Variants in SUB1 observed in about 807,000 individuals in gnomAD.
SUB1 encodes the protein activated RNA polymerase II transcriptional coactivator p15.
SUB1 carries 1 observed loss-of-function variant against 16.9 expected under a neutral mutation model. The observed-to-expected ratio is 0.06, with a 90% CI of 0.02 to 0.28. SUB1 has a LOEUF of 0.28. Ranked by LOEUF, SUB1 falls within the 10% of genes least tolerant of loss-of-function variation. The probability of loss-of-function intolerance (pLI) is 1.00; values close to 1 mark genes in which losing one functional copy is unlikely to be tolerated. For synonymous variants in SUB1, 51 were observed against 46.9 expected, an observed-to-expected ratio of 1.09 and a Z score of -0.36; for missense variants, 84 against 145.2, an observed-to-expected ratio of 0.58 and a Z score of 2.16.
Position 32,603,553 on chromosome 5 carries a change from A to C in SUB1, c.*2469A>C, listed in dbSNP as rs1397981882. 6.6e-6 allele frequency: 1 copy of C among 152,176 alleles called. No homozygotes were observed. Among genetic ancestry groups the C allele is most frequent in the African/African-American group, 2.4e-5 (1 of 41,458 alleles). 9.4% of individuals were successfully genotyped at this position (152,176 alleles called of 1,614,324 possible). Reference sequence around the variant, plus strand: ...TTAAAGAACAACCACTACAAAAGAAAATCTTTGTAATTTGATTGTCTTTTG... The same window carrying C: ...TTAAAGAACAACCACTACAAAAGAACATCTTTGTAATTTGATTGTCTTTTG... On this transcript the variant is annotated 3_prime_UTR_variant, in exon 5 of 5. Transcript: ENST00000265073.
Position 32,592,643 on chromosome 5 carries a change from A to G in SUB1, c.195+958A>G, listed in dbSNP as rs889157305. On this transcript the variant is annotated intron_variant, in intron 3 of 4. Coordinates refer to ENST00000265073, the MANE Select transcript of SUB1 (RefSeq NM_006713.4). ...AGAAATTATGCCAATTACAAGATAC[A>G]GGTTAGGAAGAATGGACCAGAGGAA... Among the ~76,000 whole-genome samples the G allele has an allele frequency of 4.6e-5, 7 of 152,322 alleles. No individual in the cohort carries two copies. In the South Asian group the frequency reaches 1.5e-3, roughly 32 times the overall value.
At chr5:32,596,895 T>A (rs536697484) in intron 3 of SUB1, 1 of 152,226 alleles carries the variant, frequency 6.6e-6, no homozygotes, top group Non-Finnish European at 1.5e-5. Context: ...TAAGCAGATA[T>A]ATAAGATTTT....
intron 4 of SUB1, among the ~76,000 whole-genome samples, chr5:32,599,701 T>G (rs1226959327): frequency 1.4e-5 from 2 of 138,692 alleles, no homozygotes; most frequent in Non-Finnish European, 3.2e-5. Flanking sequence ...CTTCATGCAG[T>G]TTTTTTTTTT....
intron 3 of SUB1, chr5:32,594,669 A>G (rs1293727037): frequency 2.3e-6 from 1 of 443,392 alleles, no homozygotes; most frequent in African/African-American, 2.0e-5. Flanking sequence ...CTGTCAGATC[A>G]GCAGCGGCAT....
chr5:32,587,575 C>G (rs569979461), intron 1 of SUB1, among the ~76,000 whole-genome samples: 1 of 151,700 alleles, frequency 6.6e-6, no homozygotes, highest in East Asian at 1.9e-4. Flanking sequence ...GTAGAAAAAT[C>G]TGTGTAAAAT....
chr5:32,592,374 T>C (rs1308149102), intron 3 of SUB1, among the ~76,000 whole-genome samples: 1 of 152,026 alleles, frequency 6.6e-6, no homozygotes, highest in Non-Finnish European at 1.5e-5. Context: ...ATGGGTTGAA[T>C]AGATAAAGTG....
chr5:32,593,086 C>G (rs993433059), intron 3 of SUB1, among the ~76,000 whole-genome samples: 1 of 151,960 alleles, frequency 6.6e-6, no homozygotes, highest in Non-Finnish European at 1.5e-5. Context: ...GATCTCTGCT[C>G]ACTGCAACTT....
intron 1 of SUB1, 84 bp downstream of exon 1, chr5:32,585,709 C>T (rs1205841256): frequency 2.6e-5 from 4 of 152,550 alleles, no homozygotes; most frequent in Admixed American, 6.5e-5. Context: ...GCCCTCCACT[C>T]CTCTCGCCGG....
rs1739138217 is a variant in SUB1 at position 32,602,429 on chromosome 5, T to C, written c.*1345T>C. 1.7e-5 allele frequency: 4 copies of C among 231,604 alleles called. No homozygotes were observed. The South Asian group carries it at 1.8e-4, about 11-fold the overall frequency. 14.3% of individuals were successfully genotyped at this position (231,604 alleles called of 1,614,324 possible). Reference sequence around the variant, plus strand: ...GAAAAAGGAAAGTTTTAAAGACATATAAAAGATTCTTGTTGACAAATTATT... The same window carrying C: ...GAAAAAGGAAAGTTTTAAAGACATACAAAAGATTCTTGTTGACAAATTATT... On this transcript the variant is annotated 3_prime_UTR_variant, in exon 5 of 5. Transcript: ENST00000265073.
At chr5:32,599,151 A>C in intron 4 of SUB1, 82 bp downstream of exon 4, 1 of 969,554 alleles carries the variant, frequency 1.0e-6, no homozygotes, top group Admixed American at 2.2e-5. Context: ...AAATGTTGGC[A>C]GGACACACGG....
intron 3 of SUB1, 26 bp downstream of exon 3, chr5:32,591,711 T>C: frequency 6.4e-7 from 1 of 1,556,892 alleles, no homozygotes; most frequent in Non-Finnish European, 8.6e-7. Context: ...TTTTTTTTTT[T>C]TTTTTTTGAC....
rs1738876494 is a variant in SUB1 at position 32,593,279 on chromosome 5, A to C, written c.195+1594A>C. On this transcript the variant is annotated intron_variant, in intron 3 of 4. Transcript: ENST00000265073. ...CTTGGCTTCTGAAAGTGCTGGGATT[A>C]CAGGCGTGAGCCACCGTGACTGGCC... Among the ~76,000 whole-genome samples the C allele has an allele frequency of 2.0e-5, 3 of 152,288 alleles. No individual in the cohort carries two copies. The South Asian group carries it at 6.2e-4, about 32-fold the overall frequency.
chr5:32,598,253 T>G (rs1007032899), intron 3 of SUB1: 1 of 152,194 alleles, frequency 6.6e-6, no homozygotes, highest in African/African-American at 2.4e-5. Context: ...TCTCTCTGCT[T>G]CTTGGGAGCA....
At chr5:32,598,559 T>G (rs1371010896) in intron 3 of SUB1, 1 of 160,402 alleles carries the variant, frequency 6.2e-6, no homozygotes, top group Non-Finnish European at 1.4e-5. Context: ...AGTTATGAAT[T>G]AATACTCCAT....
chr5:32,599,079 A>T lies in SUB1; in HGVS notation c.304+10A>T. The T allele has an allele frequency of 6.3e-7, 1 of 1,597,356 alleles. No individual in the cohort carries two copies. Among genetic ancestry groups the T allele is most frequent in the Non-Finnish European group, 8.6e-7 (1 of 1,166,158 alleles). The stretch of plus-strand genomic sequence containing the variant: ...AAACCAGGAAGAAAAGGTGAGGTCT[A>T]ATTACTTGAATTTTATTACAGTGTT... On this transcript the variant is annotated intron_variant, in intron 4 of 4. Transcript: ENST00000265073.
intron 3 of SUB1, chr5:32,597,869 A>G (rs1280662567): frequency 6.6e-6 from 1 of 152,184 alleles, no homozygotes; most frequent in Non-Finnish European, 1.5e-5. Flanking sequence ...AAAAGAAAAT[A>G]TTACTAAGAA....
At chr5:32,590,788 GAT>G (rs1738804167) in intron 2 of SUB1, among the ~76,000 whole-genome samples, 1 of 8,108 alleles carries the variant, frequency 1.2e-4, no homozygotes, top group African/African-American at 2.4e-4. Context: ...TTTTTTTTGA[GAT>G]GGAGTATCGC....
chr5:32,593,960 G>A (rs569609523), intron 3 of SUB1, among the ~76,000 whole-genome samples: 17 of 152,144 alleles, frequency 1.1e-4, no homozygotes, highest in Non-Finnish European at 1.9e-4. Flanking sequence ...CCAAAGTGCT[G>A]GGATTACAGG....
chr5:32,589,665 TC>T (rs1287150940), intron 2 of SUB1, among the ~76,000 whole-genome samples: 1 of 152,224 alleles, frequency 6.6e-6, no homozygotes, highest in African/African-American at 2.4e-5. Context: ...GGTCAAGTCT[TC>T]CGTGCAGAAT....
Sources: gnomAD v4.1 joint callset for allele counts (sites outside exome capture counted in the v4.1 genomes callset) on GRCh38, gnomAD v4.1.1 for gene constraint, MANE v1.5 for transcripts, NCBI Gene and HGNC (gene_info 2026-07-23, HGNC 2026-07-21) for gene names.